ADIPOR2: variants seen among roughly 807,000 people sequenced by gnomAD.
The protein encoded by ADIPOR2 is adiponectin receptor 2, also known as adiponectin receptor protein 2.
ADIPOR2 carries 18 observed loss-of-function variants against 40.9 expected under a neutral mutation model. The ratio of observed to expected loss-of-function variants is 0.44; its 90% CI spans 0.30 to 0.65. The LOEUF (loss-of-function observed/expected upper bound fraction) is 0.65, where lower values mean the gene tolerates loss of function less well. Among genes scored for constraint, ADIPOR2 ranks in the 30% least tolerant of loss-of-function variants. ADIPOR2 has a pLI of 0.09. For missense variants in ADIPOR2, 283 were observed against 479.2 expected (o/e 0.59, Z 3.82); for synonymous variants, 165 against 166.4 (o/e 0.99, Z 0.06).
chr12:1,726,925 C>T (rs1427779429), intron 1 of ADIPOR2, among the ~76,000 whole-genome samples: 1 of 152,146 alleles, frequency 6.6e-6, no homozygotes, highest in Non-Finnish European at 1.5e-5. Flanking sequence ...ACCCAGCTGC[C>T]TAAGGAAAAA....
chr12:1,703,901 A>G (rs560992022), intron 1 of ADIPOR2, among the ~76,000 whole-genome samples: 11 of 151,958 alleles, frequency 7.2e-5, no homozygotes, highest in African/African-American at 2.2e-4. Flanking sequence ...TTTTGTGAGG[A>G]CAGGATCTCA....
At chr12:1,780,809 C>G (rs1862702752) in intron 5 of ADIPOR2, 80 bp from the exon 6 acceptor site, 1 of 1,419,862 alleles carries the variant, frequency 7.0e-7, no homozygotes, top group African/African-American at 1.5e-5. Flanking sequence ...TGGCTTATGT[C>G]ATGAGGGATT....
chr12:1,756,403 G>A (rs1183078270), intron 2 of ADIPOR2, among the ~76,000 whole-genome samples: 2 of 151,148 alleles, frequency 1.3e-5, no homozygotes, highest in East Asian at 3.9e-4. Context: ...CGCCACCTTG[G>A]CCCCGCAAAT....
intron 2 of ADIPOR2, 71 bp downstream of exon 2, chr12:1,754,585 A>G (rs1385093726): frequency 1.9e-5 from 27 of 1,416,516 alleles, no homozygotes; most frequent in Middle Eastern, 4.1e-4. Flanking sequence ...GGATATGGGG[A>G]AAAAAAAGTG....
At chr12:1,702,173 G>A (rs1198001236) in intron 1 of ADIPOR2, among the ~76,000 whole-genome samples, 1 of 152,110 alleles carries the variant, frequency 6.6e-6, no homozygotes, top group Non-Finnish European at 1.5e-5. Context: ...CTCCCTAATG[G>A]ATTGTGAAAT....
At chr12:1,710,285 G>A (rs1003739997) in intron 1 of ADIPOR2, among the ~76,000 whole-genome samples, 4 of 152,018 alleles carry the variant, frequency 2.6e-5, no homozygotes, top group South Asian at 4.2e-4. Context: ...TTTTTCTTTC[G>A]CTCTTCACAA....
intron 1 of ADIPOR2, among the ~76,000 whole-genome samples, chr12:1,748,528 G>C (rs4765842): frequency 6.6e-6 from 1 of 151,802 alleles, no homozygotes; most frequent in South Asian, 2.1e-4. Context: ...GATTACAGGC[G>C]TGAGCCACCG....
At chr12:1,751,702 G>A (rs2094769550) in intron 1 of ADIPOR2, among the ~76,000 whole-genome samples, 1 of 150,680 alleles carries the variant, frequency 6.6e-6, no homozygotes, top group Non-Finnish European at 1.5e-5. Context: ...TTTTTTTTTT[G>A]TAGAGGTGGG....
intron 1 of ADIPOR2, among the ~76,000 whole-genome samples, chr12:1,703,649 C>T (rs1199726477): frequency 6.6e-6 from 1 of 151,862 alleles, no homozygotes; most frequent in East Asian, 1.9e-4. Flanking sequence ...CCTGGGAGGT[C>T]AAGGCTGCAG....
chr12:1,741,853 A>T (rs915926603), intron 1 of ADIPOR2, among the ~76,000 whole-genome samples: 1 of 152,196 alleles, frequency 6.6e-6, no homozygotes, highest in Non-Finnish European at 1.5e-5. Context: ...CATTTTAAAA[A>T]ATGGACCAGA....
chr12:1,737,164 A>G (rs2094732676), intron 1 of ADIPOR2, among the ~76,000 whole-genome samples: 1 of 152,238 alleles, frequency 6.6e-6, no homozygotes, highest in East Asian at 1.9e-4. Context: ...CTGACAGCAT[A>G]TATTTATGTT....
intron 1 of ADIPOR2, chr12:1,695,856 T>C (rs2094637700): frequency 6.6e-6 from 1 of 151,996 alleles, no homozygotes; most frequent in Admixed American, 6.6e-5. Flanking sequence ...TTTATTTTTC[T>C]ATTTTTTTTT....
chr12:1,728,655 C>T (rs936377715), intron 1 of ADIPOR2, among the ~76,000 whole-genome samples: 9 of 151,614 alleles, frequency 5.9e-5, no homozygotes, highest in Non-Finnish European at 8.8e-5. Context: ...ACCTGGGAGG[C>T]GGAGGTTACA....
intron 2 of ADIPOR2, among the ~76,000 whole-genome samples, chr12:1,760,542 A>T (rs1196773986): frequency 6.6e-6 from 1 of 152,264 alleles, no homozygotes; most frequent in East Asian, 1.9e-4. Flanking sequence ...GGCTTTGTCT[A>T]ATCTGGACTT....
At chr12:1,718,218 A>G (rs1196136266) in intron 1 of ADIPOR2, among the ~76,000 whole-genome samples, 1 of 152,106 alleles carries the variant, frequency 6.6e-6, no homozygotes, top group Non-Finnish European at 1.5e-5. Flanking sequence ...TTTCATAATG[A>G]TACTTGGACT....
At chr12:1,747,054 C>T (rs2094756729) in intron 1 of ADIPOR2, among the ~76,000 whole-genome samples, 1 of 143,358 alleles carries the variant, frequency 7.0e-6, no homozygotes, top group South Asian at 2.4e-4. Context: ...CTCCACTGCC[C>T]CCCCCCAAAA....
intron 1 of ADIPOR2, among the ~76,000 whole-genome samples, chr12:1,749,941 G>T (rs1245395651): frequency 6.7e-6 from 1 of 149,182 alleles, no homozygotes; most frequent in Non-Finnish European, 1.5e-5. Context: ...GACTCAAGCA[G>T]TTCTCTCACC....
chr12:1,714,187 C>T (rs986999140), intron 1 of ADIPOR2, among the ~76,000 whole-genome samples: 2 of 152,048 alleles, frequency 1.3e-5, no homozygotes, highest in Admixed American at 6.5e-5. Flanking sequence ...CAAGCCTAAC[C>T]GGGTGATTGG....
chr12:1,694,513 A>G (rs1391709150), intron 1 of ADIPOR2, among the ~76,000 whole-genome samples: 1 of 152,190 alleles, frequency 6.6e-6, no homozygotes, highest in East Asian at 1.9e-4. Context: ...AATAGTTGTT[A>G]TACTGTATTG....
Sources: allele counts gnomAD v4.1 joint callset (sites outside exome capture counted in the v4.1 genomes callset), GRCh38; gene constraint gnomAD v4.1.1; transcripts MANE v1.5; gene names NCBI Gene and HGNC (gene_info 2026-07-23, HGNC 2026-07-21).